The following PACS1 variants were observed in gnomAD, a reference collection of about 807,000 sequenced individuals.
PACS1 encodes phosphofurin acidic cluster sorting protein 1.
A neutral mutation model predicts 115.0 loss-of-function variants in PACS1; 24 were observed. The observed-to-expected ratio is 0.21, with a 90% CI of 0.15 to 0.29. The LOEUF (loss-of-function observed/expected upper bound fraction) is 0.29. Among genes scored for constraint, PACS1 ranks in the 10% least tolerant of loss-of-function variants. The pLI is 1.00. For missense variants in PACS1, 838 were observed against 1,251.2 expected, an observed-to-expected ratio of 0.67 and a Z score of 4.98; for synonymous variants, 453 against 504.5, an observed-to-expected ratio of 0.90 and a Z score of 1.37.
At chr11:66,231,221 C>T (rs1855586289) in intron 13 of PACS1, among the ~76,000 whole-genome samples, 1 of 152,268 alleles carries the variant, frequency 6.6e-6, no homozygotes, top group Admixed American at 6.5e-5. Context: ...GTCGATTCCA[C>T]ACCACCGGTG....
chr11:66,093,411 A>G (rs556929315), intron 1 of PACS1, among the ~76,000 whole-genome samples: 5 of 147,170 alleles, frequency 3.4e-5, no homozygotes, highest in African/African-American at 5.0e-5. Flanking sequence ...CTCTGATAAA[A>G]CAGACTTTAA....
intron 1 of PACS1, among the ~76,000 whole-genome samples, chr11:66,154,976 G>A (rs1489382235): frequency 6.6e-6 from 1 of 152,192 alleles, no homozygotes; most frequent in Non-Finnish European, 1.5e-5. Context: ...TCCAGAAAGA[G>A]ATCCACACGT....
chr11:66,232,436 A>G (rs1404314005), intron 14 of PACS1, among the ~76,000 whole-genome samples, 160 bp downstream of exon 14: 1 of 152,266 alleles, frequency 6.6e-6, no homozygotes, highest in Non-Finnish European at 1.5e-5. Context: ...TCTGAGTTCT[A>G]GTCCAACTTC....
At chr11:66,117,540 C>T (rs775118600) in intron 1 of PACS1, among the ~76,000 whole-genome samples, 5 of 151,338 alleles carry the variant, frequency 3.3e-5, no homozygotes, top group Admixed American at 2.0e-4. Context: ...CAGCCCTCAA[C>T]ATGTGATTAA....
intron 1 of PACS1, among the ~76,000 whole-genome samples, chr11:66,155,464 A>T (rs1259984944): frequency 1.3e-5 from 2 of 152,220 alleles, no homozygotes; most frequent in Admixed American, 1.3e-4. Flanking sequence ...AAGGTAAGAT[A>T]AAACAGTGGC....
chr11:66,197,660 C>CT (rs1172283765), intron 2 of PACS1, among the ~76,000 whole-genome samples: 3 of 152,232 alleles, frequency 2.0e-5, no homozygotes, highest in Non-Finnish European at 4.4e-5. Flanking sequence ...GGCATGGTGG[C>CT]ATATGCCTGC....
At chr11:66,075,429 A>G (rs1456233070) in intron 1 of PACS1, among the ~76,000 whole-genome samples, 1 of 151,698 alleles carries the variant, frequency 6.6e-6, no homozygotes, top group Non-Finnish European at 1.5e-5. Flanking sequence ...TTTTGTAGAG[A>G]TGGGGTCTTG....
intron 11 of PACS1, among the ~76,000 whole-genome samples, chr11:66,229,179 C>G (rs973558255): frequency 7.7e-6 from 1 of 129,686 alleles, no homozygotes; most frequent in East Asian, 2.2e-4. Flanking sequence ...GATTCAAGAC[C>G]AGCCCGGGCA....
At chr11:66,192,714 C>T (rs1854556594) in intron 1 of PACS1, among the ~76,000 whole-genome samples, 2 of 152,200 alleles carry the variant, frequency 1.3e-5, no homozygotes, top group Admixed American at 1.3e-4. Context: ...CCCAGGCAGC[C>T]ATAGAAAGGC....
intron 1 of PACS1, among the ~76,000 whole-genome samples, chr11:66,113,324 A>G (rs1218891466): frequency 6.6e-6 from 1 of 152,208 alleles, no homozygotes; most frequent in Non-Finnish European, 1.5e-5. Context: ...GACTCATCCC[A>G]GACGTACTTA....
intron 1 of PACS1, among the ~76,000 whole-genome samples, chr11:66,166,470 G>A (rs531296183): frequency 2.8e-5 from 4 of 142,238 alleles, no homozygotes; most frequent in East Asian, 1.9e-4. Context: ...TACAGCTGTC[G>A]TCATTTGCCA....
intron 1 of PACS1, among the ~76,000 whole-genome samples, chr11:66,142,375 A>G (rs1016801836): frequency 5.3e-5 from 8 of 152,114 alleles, no homozygotes; most frequent in South Asian, 2.1e-4. Flanking sequence ...CTGGAGTGCA[A>G]TGCCGCAATC....
intron 4 of PACS1, among the ~76,000 whole-genome samples, chr11:66,212,106 G>A (rs1401194425): frequency 6.6e-6 from 1 of 151,720 alleles, no homozygotes; most frequent in Admixed American, 6.6e-5. Flanking sequence ...TCCTTTCCTG[G>A]GGATATTAAC....
rs866287187 is a variant in PACS1 at position 66,196,823 on chromosome 11, C to A, written c.444+3250C>A. On this transcript the variant is annotated intron_variant, in intron 2 of 23. Coordinates refer to ENST00000320580, the MANE Select transcript of PACS1 (RefSeq NM_018026.4). ...ATGTTGGCCAGGTTGGTCTCGAACC[C>A]CTGACCTCAGGTAATCTGCCCACCT... Among the ~76,000 whole-genome samples the A allele has an allele frequency of 2.6e-5, 4 of 152,042 alleles. No individual in the cohort carries two copies. The South Asian group carries it at 6.2e-4, about 24-fold the overall frequency.
intron 10 of PACS1, among the ~76,000 whole-genome samples, chr11:66,225,307 A>G (rs1855449552): frequency 6.6e-6 from 1 of 152,172 alleles, no homozygotes; most frequent in South Asian, 2.1e-4. Context: ...TCCATATCCC[A>G]TGCCAAACAC....
chr11:66,070,627 C>A lies in PACS1; in HGVS notation c.141C>A (p.Pro47=). The A allele has an allele frequency of 6.5e-7, 1 of 1,548,144 alleles. No individual in the cohort carries two copies. The highest frequency in any genetic ancestry group is 8.7e-7 in the Non-Finnish European group (1 of 1,154,904). ...QQQQPPQQPT[P]PKLAQATSSS... ...AGCAGCCGCCGCAGCAGCCGACGCCCCCCAAGCTGGCCCAGGCCACCTCGT... is the reference window on the plus strand; with the variant it reads ...AGCAGCCGCCGCAGCAGCCGACGCCACCCAAGCTGGCCCAGGCCACCTCGT... The change falls in exon 1 of 24, where the codon CCC becomes CCA. Residue 47 remains proline (P), a synonymous_variant. Coordinates refer to ENST00000320580, the MANE Select transcript of PACS1 (RefSeq NM_018026.4). This position sits in a 1 kb window ranked among gnomAD's most constrained non-coding sequence, Gnocchi z 5.9.
At chr11:66,232,361 T>C (rs746562513) in intron 14 of PACS1, 85 bp downstream of exon 14, 32 of 769,506 alleles carry the variant, frequency 4.2e-5, no homozygotes, top group Non-Finnish European at 5.6e-5. Context: ...TCCATACTAT[T>C]GCGTGGGGAG....
chr11:66,114,371 T>A (rs1590753566), intron 1 of PACS1, among the ~76,000 whole-genome samples: 1 of 142,392 alleles, frequency 7.0e-6, no homozygotes, highest in South Asian at 2.2e-4. Flanking sequence ...TGAGCTGAGA[T>A]CCCACCACTG....
At position 66,112,113 on chromosome 11, in the gene PACS1, GTTC is replaced by G. The variant is rs781390978; in HGVS notation, c.356+41276_356+41278del. On this transcript the variant is annotated intron_variant, in intron 1 of 23. Transcript: ENST00000320580. ...ACTGATCTGTTTCACTGCCTGTGCA[GTTC>G]TTCTCTACACTGCCGGCAGAGTGGT... 3.9e-5 allele frequency among the ~76,000 whole-genome samples: 6 copies of G among 152,298 alleles called. No individual in the cohort carries two copies. The South Asian group carries it at 1.0e-3, about 26-fold the overall frequency.
Sources: allele counts gnomAD v4.1 joint callset (sites outside exome capture counted in the v4.1 genomes callset), GRCh38; gene constraint gnomAD v4.1.1; non-coding constraint Gnocchi (gnomAD v3.1); transcripts MANE v1.5; gene names NCBI Gene and HGNC (gene_info 2026-07-23, HGNC 2026-07-21).